COL17A1: variants seen among roughly 807,000 people sequenced by gnomAD.
The protein encoded by COL17A1 is collagen alpha-1(XVII) chain.
A neutral mutation model predicts 218.4 loss-of-function variants in COL17A1; 181 were observed. The observed-to-expected ratio is 0.83, with a 90% CI of 0.73 to 0.94. COL17A1 has a LOEUF of 0.94. Among genes scored for constraint, COL17A1 ranks in the 40% least tolerant of loss-of-function variants. The pLI, the probability that COL17A1 is intolerant of heterozygous loss-of-function variation, is 0.00. For missense variants in COL17A1, 1,924 were observed against 1,945.9 expected (o/e 0.99, Z 0.21); for synonymous variants, 721 against 731.0 (o/e 0.99, Z 0.22).
intron 53 of COL17A1, 115 bp from the exon 54 acceptor site, chr10:104,033,083 A>G: frequency 6.6e-7 from 1 of 1,517,306 alleles, no homozygotes; most frequent in Non-Finnish European, 9.0e-7. Context: ...GACGTGTAAG[A>G]GGAAACAAAG....
intron 6 of COL17A1, among the ~76,000 whole-genome samples, chr10:104,073,774 G>T (rs1360891565): frequency 6.6e-6 from 1 of 152,182 alleles, no homozygotes; most frequent in African/African-American, 2.4e-5. Context: ...AGCACACGCA[G>T]TTCCCTTGAA....
rs189868268 is a variant in COL17A1 at position 104,049,434 on chromosome 10, A to C, written c.2202T>G (p.Gly734=). 4.3e-5 allele frequency: 69 copies of C among 1,614,248 alleles called. No homozygotes were observed. In the African/African-American group the frequency reaches 8.9e-4, roughly 21 times the overall value. The change falls in exon 29 of 56, where the codon GGT becomes GGG. Residue 734 remains glycine, a synonymous_variant. Transcript: ENST00000648076. ...CCATTGCTCCTTTAGCCCCGGGCTC[A>C]CCAACAGCACCAGGCAAACCTCTCA... ...PGMRGLPGAV[G]EPGAKGAMGP...
At position 104,043,847 on chromosome 10, in the gene COL17A1, A is replaced by G. The variant is rs531132511; in HGVS notation, c.2412T>C (p.Ala804=). 6 of 1,614,152 alleles carry G rather than the reference A, an allele frequency of 3.7e-6. No homozygotes were observed. The highest frequency in any genetic ancestry group is 5.1e-6 in the Non-Finnish European group (6 of 1,180,028). The change falls in exon 34 of 56, where the codon GCT becomes GCC. Residue 804 remains alanine (A), a synonymous_variant. Transcript: ENST00000648076. ...TACCCGAAGTCACGATCTTGCCTGG[A>G]GCTCCTGGTTCACCTAGGAAGAGAG... The part of the protein sequence containing the change: ...GRPGIKGEPG[A]PGKIVTSEGS...
chr10:104,047,661 A>C (rs1432521561), intron 31 of COL17A1, 78 bp downstream of exon 31: 2 of 1,210,602 alleles, frequency 1.7e-6, no homozygotes, highest in Non-Finnish European at 2.5e-6. Flanking sequence ...ATGCACACGC[A>C]CACACATGCC....
At chr10:104,064,350 T>A in intron 10 of COL17A1, 88 bp downstream of exon 10, 1 of 1,602,774 alleles carries the variant, frequency 6.2e-7, no homozygotes, top group Non-Finnish European at 8.5e-7. Flanking sequence ...GCCCTGAGGA[T>A]GGCAAACATT....
chr10:104,052,385 C>A (rs1011067059), intron 23 of COL17A1, among the ~76,000 whole-genome samples, 168 bp from the exon 24 acceptor site: 1 of 152,200 alleles, frequency 6.6e-6, no homozygotes, highest in African/African-American at 2.4e-5. Context: ...CTTCTACCCC[C>A]AGAGACTTTA....
intron 13 of COL17A1, 106 bp from the exon 14 acceptor site, chr10:104,060,386 T>G: frequency 4.8e-5 from 63 of 1,326,214 alleles, no homozygotes; most frequent in Non-Finnish European, 6.0e-5. Context: ...AGGAGGGAGG[T>G]AAATTAGCAG....
rs805695 is a variant in COL17A1 at position 104,056,308 on chromosome 10, C to T, written c.1466-305G>A. 0.59 allele frequency among the ~76,000 whole-genome samples: 88,990 copies of T among 151,942 alleles called. 28,240 individuals are homozygous for T. Among genetic ancestry groups the T allele is most frequent in the Non-Finnish European group, 0.7 (47,478 of 67,952 alleles). On this transcript the variant is annotated intron_variant, in intron 17 of 55. Coordinates refer to ENST00000648076, the MANE Select transcript of COL17A1 (RefSeq NM_000494.4). ...ATAGAAATAGATATGGCTGGCCAGG[C>T]GCGGTGGCTCAAGCCTGTAATCCCA...
rs1329787856 is a variant in COL17A1 at position 104,033,085 on chromosome 10, GAAAC to G, written c.4295-121_4295-118del. On this transcript the variant is annotated intron_variant, in intron 53 of 55. Coordinates refer to ENST00000648076, the MANE Select transcript of COL17A1 (RefSeq NM_000494.4). ...GTGATGGAGTTTGGACGTGTAAGAG[GAAAC>G]AAAGTTCAGAATTTATAGAATTTGT... 44 of 1,514,824 alleles carry G rather than the reference GAAAC, an allele frequency of 2.9e-5. No individual in the cohort carries two copies. The East Asian group carries it at 1.0e-3, about 35-fold the overall frequency. The allele number at this position is 1,514,824 out of a possible 1,614,324, so 93.8% of individuals were successfully genotyped here. A position where few individuals can be genotyped will look rare whatever the true frequency, so the allele number is the denominator to read the frequency against.
In COL17A1 at chr10:104,057,006, G is replaced by A. The variant is rs1306085156; in HGVS notation, c.1434C>T (p.Leu478=). The stretch of plus-strand genomic sequence containing the variant: ...CAATGAGGCCGAAGAGCAGCCCCAG[G>A]AGTAGCAGCCAGGTGAGCAGCAGGC... ...LLGLLLTWLL[L]LGLLFGLIAL... Residue 478 remains leucine (L), a synonymous_variant, in exon 17 of 56, where the codon CTC becomes CTT. Transcript: ENST00000648076. 4 of 1,589,410 alleles carry A rather than the reference G, an allele frequency of 2.5e-6. No homozygotes were observed. Among genetic ancestry groups the A allele is most frequent in the East Asian group, 2.3e-5 (1 of 43,628 alleles).
Position 104,041,669 on chromosome 10 carries a change from G to A in COL17A1, c.2552-131C>T, listed in dbSNP as rs547272140. 1,179 of 753,062 alleles carry A rather than the reference G, an allele frequency of 1.6e-3. 4 individuals are homozygous for A. The highest frequency in any genetic ancestry group is 2.2e-3 in the Non-Finnish European group (959 of 442,322). 46.6% of individuals were successfully genotyped at this position (753,062 alleles called of 1,614,324 possible). ...CCTCACAGCCCAGACACCAGGCCCT[G>A]TGTCATGGCACAAGAGCCTGCAGCA... On this transcript the variant is annotated intron_variant, in intron 36 of 55. Transcript: ENST00000648076.
intron 27 of COL17A1, 35 bp from the exon 28 acceptor site, chr10:104,050,159 A>C: frequency 6.2e-7 from 1 of 1,613,834 alleles, no homozygotes; most frequent in Non-Finnish European, 8.5e-7. Flanking sequence ...AAAAAGCCAC[A>C]GTTGTGAGCA....
rs537199960 is a variant in COL17A1, at chr10:104,038,406, T to C, written c.3070A>G (p.Ser1024Gly). 5.3e-5 allele frequency: 85 copies of C among 1,613,708 alleles called. No homozygotes were observed. In the South Asian group the frequency reaches 8.8e-4, roughly 17 times the overall value. The change falls in exon 45 of 56, where the codon AGT becomes GGT. Residue 1024 changes from serine to glycine, a missense_variant and splice_region_variant. By Grantham distance (56) the Ser-to-Gly change is moderately conservative (BLOSUM62 0). Transcript: ENST00000648076. Reference protein sequence around the residue: ...IQQYISEYMQSDSIRSYLSGV... With the variant: ...IQQYISEYMQGDSIRSYLSGV... ...CGGCTTGCGGCGGCCAGCTACTCACTCTGCATGTACTCAGAGATGTACTGC... is the reference window on the plus strand; with the variant it reads ...CGGCTTGCGGCGGCCAGCTACTCACCCTGCATGTACTCAGAGATGTACTGC...
At chr10:104,071,685 C>T (rs1476845511) in intron 8 of COL17A1, among the ~76,000 whole-genome samples, 3 of 152,066 alleles carry the variant, frequency 2.0e-5, no homozygotes, top group Admixed American at 6.6e-5. Flanking sequence ...CAGGTAACAC[C>T]TACCCCGGGA....
Position 104,035,499 on chromosome 10 carries a change from A to G in COL17A1, c.3483T>C (p.Tyr1161=). The G allele has an allele frequency of 6.2e-7, 1 of 1,613,806 alleles. No homozygotes were observed. The change falls in exon 49 of 56, where the codon TAT becomes TAC. Residue 1161 remains tyrosine, a synonymous_variant. Transcript: ENST00000648076. ...PGPPGLPGTS[Y]EELLSLLRGS... is the part of the protein sequence containing the mutation. ...CTCGCAGCAAGGAGAGGAGCTCCTC[A>G]TAGGAGGTTCCCGGCAAGCCAGGGG...
At chr10:104,039,362 T>A (rs2134581293) in intron 43 of COL17A1, 83 bp downstream of exon 43, 1 of 1,431,624 alleles carries the variant, frequency 7.0e-7, no homozygotes. Context: ...GATGAGTACT[T>A]GCTGCCATCT....
At chr10:104,050,211 G>A in intron 27 of COL17A1, 87 bp from the exon 28 acceptor site, 1 of 1,585,514 alleles carries the variant, frequency 6.3e-7, no homozygotes, top group Non-Finnish European at 8.6e-7. Context: ...CCGGCTGCAG[G>A]GTAGTTCTCA....
intron 52 of COL17A1, 45 bp from the exon 53 acceptor site, chr10:104,033,420 G>A: frequency 6.3e-7 from 1 of 1,599,754 alleles, no homozygotes; most frequent in South Asian, 1.1e-5. Flanking sequence ...GGATCTCCCA[G>A]TACCCTCTTC....
chr10:104,042,501 G>A lies in COL17A1; in HGVS notation c.2516-46C>T, dbSNP rs1172125259. Reference sequence around the variant, plus strand: ...GAAAAGGCTAAATCATGCATGTAGGGTCATAGGAAGAACTAAAGGCATAAT... The same window carrying A: ...GAAAAGGCTAAATCATGCATGTAGGATCATAGGAAGAACTAAAGGCATAAT... On this transcript the variant is annotated intron_variant, in intron 35 of 55. Transcript: ENST00000648076. 6 of 1,597,134 alleles carry A rather than the reference G, an allele frequency of 3.8e-6. No individual in the cohort carries two copies. The East Asian group carries it at 1.1e-4, about 30-fold the overall frequency.
Sources: allele counts gnomAD v4.1 joint callset (sites outside exome capture counted in the v4.1 genomes callset), GRCh38; gene constraint gnomAD v4.1.1; transcripts MANE v1.5; gene names NCBI Gene and HGNC (gene_info 2026-07-23, HGNC 2026-07-21).